The following GRM7 variants were observed in gnomAD, a reference collection of about 807,000 sequenced individuals.
GRM7 encodes the protein glutamate metabotropic receptor 7, also known as metabotropic glutamate receptor 7.
A neutral mutation model predicts 84.5 loss-of-function variants in GRM7; 35 were observed. That is an observed-to-expected ratio of 0.41 (90% CI 0.32 to 0.55). The LOEUF (loss-of-function observed/expected upper bound fraction) is 0.55, where lower values mean the gene tolerates loss of function less well. Among genes scored for constraint, GRM7 ranks in the 20% least tolerant of loss-of-function variants. GRM7 has a pLI of 0.19. For synonymous variants in GRM7, 487 were observed against 455.1 expected (o/e 1.07, Z -0.89); for missense variants, 1,003 against 1,194.6 (o/e 0.84, Z 2.36).
chr3:7,312,072 G>A (rs1396333968), intron 4 of GRM7, among the ~76,000 whole-genome samples: 1 of 152,176 alleles, frequency 6.6e-6, no homozygotes, highest in Non-Finnish European at 1.5e-5. Flanking sequence ...TGAAAATAAA[G>A]GAGAGCTGAA....
At position 7,012,725 on chromosome 3, in the gene GRM7, A is replaced by T. The variant is rs142677847; in HGVS notation, c.520-133727A>T. On this transcript the variant is annotated intron_variant, in intron 1 of 9. Transcript: ENST00000357716. ...AGAATCTGAACAAATAGGCCTTGCT[A>T]AGTTTCCCCCAGTTTATTTGTGTGT... Among the ~76,000 whole-genome samples the T allele has an allele frequency of 2.9e-3, 435 of 152,240 alleles. 4 individuals carry two copies. The highest frequency in any genetic ancestry group is 0.01 in the African/African-American group (424 of 41,540).
At chr3:7,617,367 T>C (rs531123758) in intron 8 of GRM7, among the ~76,000 whole-genome samples, 1 of 152,226 alleles carries the variant, frequency 6.6e-6, no homozygotes, top group African/African-American at 2.4e-5. Flanking sequence ...GTGCTAGATA[T>C]CCATTATGGA....
chr3:7,168,845 T>C (rs184273940), intron 2 of GRM7, among the ~76,000 whole-genome samples: 1 of 152,316 alleles, frequency 6.6e-6, no homozygotes, highest in African/African-American at 2.4e-5. Flanking sequence ...TTTCATCTTG[T>C]CTTGATATTC....
At chr3:7,412,033 C>T (rs1559303777) in intron 4 of GRM7, among the ~76,000 whole-genome samples, 11 of 149,582 alleles carry the variant, frequency 7.4e-5, no homozygotes. Context: ...TCTCCTCTCT[C>T]CTCTCTCTCT....
At chr3:6,945,064 T>A (rs1057100572) in intron 1 of GRM7, among the ~76,000 whole-genome samples, 20 of 152,116 alleles carry the variant, frequency 1.3e-4, no homozygotes, top group Non-Finnish European at 1.2e-4. Flanking sequence ...ATTTTTTTTT[T>A]ATTTTTTTAA....
intron 4 of GRM7, among the ~76,000 whole-genome samples, chr3:7,352,089 A>G (rs1693186320): frequency 1.3e-5 from 2 of 149,856 alleles, no homozygotes; most frequent in Non-Finnish European, 3.0e-5. Context: ...ACACACACAC[A>G]CACACACACA....
At chr3:7,533,465 A>G (rs1431082077) in intron 7 of GRM7, among the ~76,000 whole-genome samples, 1 of 152,194 alleles carries the variant, frequency 6.6e-6, no homozygotes, top group Admixed American at 6.5e-5. Context: ...AAAGACCACA[A>G]TGTACCAGAA....
chr3:7,558,258 A>G (rs1473461740), intron 7 of GRM7, among the ~76,000 whole-genome samples: 1 of 152,106 alleles, frequency 6.6e-6, no homozygotes, highest in Admixed American at 6.6e-5. Flanking sequence ...GTAGTTTTTA[A>G]TGAGGATTAG....
chr3:7,371,545 A>T (rs938484543), intron 4 of GRM7, among the ~76,000 whole-genome samples: 4 of 152,162 alleles, frequency 2.6e-5, no homozygotes, highest in Non-Finnish European at 5.9e-5. Context: ...ATAATTCTTG[A>T]TTGTTTATAA....
At chr3:7,465,858 C>T (rs75230227) in intron 7 of GRM7, among the ~76,000 whole-genome samples, 24 of 152,138 alleles carry the variant, frequency 1.6e-4, no homozygotes, top group African/African-American at 5.8e-4. Flanking sequence ...CTGCTGTTCC[C>T]TGTGCAATTT....
intron 2 of GRM7, among the ~76,000 whole-genome samples, chr3:7,237,888 A>G (rs1240706647): frequency 6.6e-6 from 1 of 152,034 alleles, no homozygotes; most frequent in Non-Finnish European, 1.5e-5. Context: ...CTTTAGCTAG[A>G]CACAGAGTGC....
At chr3:7,083,268 C>T (rs937176006) in intron 1 of GRM7, among the ~76,000 whole-genome samples, 1 of 152,070 alleles carries the variant, frequency 6.6e-6, no homozygotes, top group African/African-American at 2.4e-5. Context: ...AGATCCTCCA[C>T]CAGCAAAAAG....
At chr3:7,333,181 A>G (rs1027169774) in intron 4 of GRM7, among the ~76,000 whole-genome samples, 17 of 152,192 alleles carry the variant, frequency 1.1e-4, no homozygotes, top group Non-Finnish European at 1.8e-4. Context: ...CTCTGCTAGC[A>G]TAACCAACAT....
intron 2 of GRM7, among the ~76,000 whole-genome samples, chr3:7,274,749 G>A (rs1698990442): frequency 6.6e-6 from 1 of 151,792 alleles, no homozygotes. Flanking sequence ...TTTAGTTGTA[G>A]TTTTGTTGTT....
At position 7,635,738 on chromosome 3, in the gene GRM7, A is replaced by G. The variant is rs1410426294; in HGVS notation, c.2452-44311A>G. On this transcript the variant is annotated intron_variant, in intron 8 of 9. Transcript: ENST00000357716. ...GCCCAGGCTAGAGTGCAGTGGCACA[A>G]TCATAGTTCACTGCAACCTCAAACC... Among the ~76,000 whole-genome samples the G allele has an allele frequency of 2.6e-5, 4 of 152,126 alleles. No individual in the cohort carries two copies. The East Asian group carries it at 5.8e-4, about 22-fold the overall frequency.
intron 4 of GRM7, among the ~76,000 whole-genome samples, chr3:7,383,760 G>T (rs570964307): frequency 1.3e-5 from 2 of 152,146 alleles, no homozygotes; most frequent in South Asian, 4.1e-4. Context: ...CAAATATTAA[G>T]CCAAGGAAAT....
chr3:7,166,526 C>T (rs9819783), intron 2 of GRM7, among the ~76,000 whole-genome samples: 93,306 of 152,026 alleles, frequency 0.61, 30,978 homozygotes, highest in African/African-American at 0.88. Context: ...TCCACCCCAA[C>T]TGGGAGATTA....
chr3:7,468,168 C>T (rs1291025608), intron 7 of GRM7, among the ~76,000 whole-genome samples: 1 of 152,112 alleles, frequency 6.6e-6, no homozygotes, highest in African/African-American at 2.4e-5. Context: ...TCATAATTTA[C>T]AATGTATTAC....
chr3:7,036,952 G>T (rs1172957312), intron 1 of GRM7, among the ~76,000 whole-genome samples: 1 of 152,098 alleles, frequency 6.6e-6, no homozygotes, highest in African/African-American at 2.4e-5. Context: ...CAAAGAAGAG[G>T]GCATGACATA....
Sources: gnomAD v4.1 joint callset for allele counts (sites outside exome capture counted in the v4.1 genomes callset) on GRCh38, gnomAD v4.1.1 for gene constraint, MANE v1.5 for transcripts, NCBI Gene and HGNC (gene_info 2026-07-23, HGNC 2026-07-21) for gene names.